The following WDFY2 variants were observed in gnomAD, a reference collection of about 807,000 sequenced individuals.
The protein encoded by WDFY2 is WD repeat and FYVE domain containing 2, also known as WD repeat and FYVE domain-containing protein 2.
Under a neutral mutation model 56.4 loss-of-function variants are expected in WDFY2, and 36 were observed. The ratio of observed to expected loss-of-function variants is 0.64; its 90% CI spans 0.49 to 0.84. The LOEUF is 0.84. Among genes scored for constraint, WDFY2 ranks in the 40% least tolerant of loss-of-function variants. WDFY2 has a pLI of 0.00. For synonymous variants in WDFY2, 176 were observed against 183.7 expected (o/e 0.96, Z 0.34); for missense variants, 444 against 512.2 (o/e 0.87, Z 1.29).
chr13:51,609,950 T>A (rs1954464117), intron 1 of WDFY2, among the ~76,000 whole-genome samples: 1 of 152,208 alleles, frequency 6.6e-6, no homozygotes, highest in African/African-American at 2.4e-5. Flanking sequence ...TTCTGATCAA[T>A]GCTGATTGGT....
intron 1 of WDFY2, chr13:51,589,196 A>G (rs778204029): frequency 7.9e-5 from 12 of 152,174 alleles, no homozygotes; most frequent in Non-Finnish European, 1.3e-4. Flanking sequence ...ACCTTTTTGA[A>G]TTGAAATGGA....
chr13:51,704,517 G>A (rs1372601091), intron 4 of WDFY2, among the ~76,000 whole-genome samples: 3 of 152,092 alleles, frequency 2.0e-5, no homozygotes, highest in Non-Finnish European at 4.4e-5. Flanking sequence ...TTCCTCTATT[G>A]GTGTTTGCTT....
At chr13:51,716,089 G>C (rs1952339661) in intron 4 of WDFY2, among the ~76,000 whole-genome samples, 1 of 152,152 alleles carries the variant, frequency 6.6e-6, no homozygotes, top group Non-Finnish European at 1.5e-5. Context: ...TTGAACCTTG[G>C]AAACTTATGC....
rs1417528950 is a variant in WDFY2, at chr13:51,760,122, AG to A, written c.*355del. On this transcript the variant is annotated 3_prime_UTR_variant, in exon 12 of 12. Transcript: ENST00000298125. ...TGTTGCTTTGTCAGAGAAATAAGGGAGGTATCTACTCAGAGTATTTTGGTCA... is the reference window on the plus strand; with the variant it reads ...TGTTGCTTTGTCAGAGAAATAAGGGAGTATCTACTCAGAGTATTTTGGTCA... The A allele has an allele frequency of 1.1e-4, 23 of 209,354 alleles. No individual in the cohort carries two copies. In the East Asian group the frequency reaches 2.3e-3, roughly 21 times the overall value. 13.0% of individuals were successfully genotyped at this position (209,354 alleles called of 1,614,324 possible).
At chr13:51,726,892 A>G (rs1245529435) in intron 5 of WDFY2, among the ~76,000 whole-genome samples, 1 of 152,122 alleles carries the variant, frequency 6.6e-6, no homozygotes, top group African/African-American at 2.4e-5. Context: ...CCTTTGTGAC[A>G]TAAATTGCAA....
chr13:51,637,316 T>C (rs1955072680), intron 1 of WDFY2, among the ~76,000 whole-genome samples: 1 of 152,232 alleles, frequency 6.6e-6, no homozygotes, highest in African/African-American at 2.4e-5. Flanking sequence ...AATTTCTTTG[T>C]GTTTTAAAAT....
At chr13:51,674,189 AT>A (rs1955849876) in intron 2 of WDFY2, among the ~76,000 whole-genome samples, 1 of 152,204 alleles carries the variant, frequency 6.6e-6, no homozygotes. Context: ...GGAATAAAAA[AT>A]ATTTGATGCT....
intron 4 of WDFY2, among the ~76,000 whole-genome samples, chr13:51,707,159 T>C (rs1952100780): frequency 6.6e-6 from 1 of 152,194 alleles, no homozygotes; most frequent in African/African-American, 2.4e-5. Flanking sequence ...TTAAAGTTCT[T>C]TTTTTGGGGG....
At chr13:51,746,334 G>T (rs950212582) in intron 7 of WDFY2, among the ~76,000 whole-genome samples, 6 of 152,206 alleles carry the variant, frequency 3.9e-5, no homozygotes, top group African/African-American at 1.4e-4. Flanking sequence ...TACAGTATTT[G>T]CAACAACAGT....
chr13:51,694,007 C>A (rs1310886585), intron 3 of WDFY2, among the ~76,000 whole-genome samples: 1 of 151,880 alleles, frequency 6.6e-6, no homozygotes, highest in African/African-American at 2.4e-5. Flanking sequence ...GATTGCAACC[C>A]CTGCCTTTTT....
intron 1 of WDFY2, among the ~76,000 whole-genome samples, chr13:51,657,243 A>G (rs1191104404): frequency 3.9e-5 from 6 of 152,122 alleles, no homozygotes; most frequent in Non-Finnish European, 8.8e-5. Context: ...GCCCATTTAC[A>G]TAGACTTAAA....
At chr13:51,755,716 C>T (rs767310032) in intron 9 of WDFY2, among the ~76,000 whole-genome samples, 1 of 152,176 alleles carries the variant, frequency 6.6e-6, no homozygotes, top group Non-Finnish European at 1.5e-5. Context: ...TTGCAGTGCA[C>T]CTTACAATTA....
rs1054749920 is a variant in WDFY2 at position 51,761,061 on chromosome 13, C to T, written c.*1292C>T. On this transcript the variant is annotated 3_prime_UTR_variant, in exon 12 of 12. Coordinates refer to ENST00000298125, the MANE Select transcript of WDFY2 (RefSeq NM_052950.4). The stretch of plus-strand genomic sequence containing the variant: ...ATTGTAATCCTGCTGTATTCCTCGC[C>T]CTCTGTATTCTATCCCTTTAAAAAC... 1.3e-5 allele frequency: 2 copies of T among 152,212 alleles called. No homozygotes were observed. The highest frequency in any genetic ancestry group is 4.8e-5 in the African/African-American group (2 of 41,454). The allele number at this position is 152,212 out of a possible 1,614,324, so 9.4% of individuals were successfully genotyped here.
chr13:51,677,787 G>T (rs1455628618), intron 3 of WDFY2, among the ~76,000 whole-genome samples: 20 of 152,132 alleles, frequency 1.3e-4, no homozygotes, highest in Admixed American at 1.3e-3. Flanking sequence ...GCAAGATCTG[G>T]TAGGAGACAA....
chr13:51,619,439 A>C (rs1044007343), intron 1 of WDFY2, among the ~76,000 whole-genome samples: 2 of 152,134 alleles, frequency 1.3e-5, no homozygotes, highest in South Asian at 2.1e-4. Context: ...TCTCCAAAAA[A>C]AAAAAAACAA....
intron 2 of WDFY2, among the ~76,000 whole-genome samples, chr13:51,673,519 C>T (rs1205554772): frequency 6.6e-6 from 1 of 152,136 alleles, no homozygotes; most frequent in Non-Finnish European, 1.5e-5. Context: ...GTCATTTGAA[C>T]ACAAGAATAA....
intron 3 of WDFY2, among the ~76,000 whole-genome samples, chr13:51,702,958 C>T (rs1952014606): frequency 6.6e-6 from 1 of 152,170 alleles, no homozygotes; most frequent in African/African-American, 2.4e-5. Context: ...ACAACAGACA[C>T]TTATGTGTCC....
At chr13:51,673,287 G>A (rs1011635230) in intron 2 of WDFY2, among the ~76,000 whole-genome samples, 2 of 152,178 alleles carry the variant, frequency 1.3e-5, no homozygotes, top group Non-Finnish European at 2.9e-5. Context: ...AGCATAACCG[G>A]ATATGGACTT....
chr13:51,694,745 G>C lies in WDFY2; in HGVS notation c.280-8851G>C, dbSNP rs1951825452. Among the ~76,000 whole-genome samples the C allele has an allele frequency of 3.3e-5, 5 of 152,162 alleles. No homozygotes were observed. In the South Asian group the frequency reaches 1.0e-3, roughly 32 times the overall value. ...TGTTGGCCTGCCTTGCTAGATTGGG[G>C]AAGTTCTCCTGGATAATATCCTGCA... is the stretch of plus-strand genomic sequence containing the variant. On this transcript the variant is annotated intron_variant, in intron 3 of 11. Coordinates refer to ENST00000298125, the MANE Select transcript of WDFY2 (RefSeq NM_052950.4).
Sources: allele counts gnomAD v4.1 joint callset (sites outside exome capture counted in the v4.1 genomes callset), GRCh38; gene constraint gnomAD v4.1.1; transcripts MANE v1.5; gene names NCBI Gene and HGNC (gene_info 2026-07-23, HGNC 2026-07-21).